EPHB1: variants seen among roughly 807,000 people sequenced by gnomAD.
The protein encoded by EPHB1 is EPH receptor B1.
In EPHB1, 30 loss-of-function variants were observed where a neutral mutation model predicts 94.4. That is an observed-to-expected ratio of 0.32 (90% CI 0.24 to 0.43). The LOEUF is 0.43. EPHB1 is among the 20% of genes least tolerant of loss of function. The pLI, the probability that EPHB1 is intolerant of heterozygous loss-of-function variation, is 1.00. For missense variants in EPHB1, 1,055 were observed against 1,308.3 expected, an observed-to-expected ratio of 0.81 and a Z score of 2.99; for synonymous variants, 522 against 489.1, an observed-to-expected ratio of 1.07 and a Z score of -0.89.
intron 1 of EPHB1, among the ~76,000 whole-genome samples, chr3:134,908,576 G>A (rs1353899845): frequency 6.6e-6 from 1 of 152,238 alleles, no homozygotes; most frequent in Non-Finnish European, 1.5e-5. Context: ...CCAGCGTGGT[G>A]AGGACAGGGG....
intron 3 of EPHB1, among the ~76,000 whole-genome samples, chr3:135,092,262 C>T (rs1938581991): frequency 6.6e-6 from 1 of 152,054 alleles, no homozygotes; most frequent in African/African-American, 2.4e-5. Flanking sequence ...GCCTAGCACC[C>T]AAGAAGGATA....
Position 135,249,422 on chromosome 3 carries a change from T to G in EPHB1, c.2777T>G (p.Val926Gly). The change falls in exon 15 of 16, where the codon GTC becomes GGC. Residue 926 changes from valine to glycine, a missense_variant. Physicochemically the swap from Val to Gly is moderately radical, Grantham distance 109 (BLOSUM62 -3). Transcript: ENST00000398015. ...GACTGGCTCAGCGCCATCAAAATGGTCCAGTACAGGGACAGCTTCCTCACT... is the reference window on the plus strand; with the variant it reads ...GACTGGCTCAGCGCCATCAAAATGGGCCAGTACAGGGACAGCTTCCTCACT... ...VDDWLSAIKM[V>G]QYRDSFLTAG... 6.2e-7 allele frequency: 1 copy of G among 1,614,044 alleles called. No individual in the cohort carries two copies. Among genetic ancestry groups the G allele is most frequent in the South Asian group, 1.1e-5 (1 of 91,084 alleles).
At chr3:134,807,798 A>G (rs770197663) in intron 1 of EPHB1, among the ~76,000 whole-genome samples, 10 of 152,100 alleles carry the variant, frequency 6.6e-5, no homozygotes, top group African/African-American at 9.7e-5. Flanking sequence ...AGGGACTGAC[A>G]ATAGTGGGAA....
rs10572168 is a variant in EPHB1 at position 135,237,277 on chromosome 3, TACACAC to T, written c.2347-3841_2347-3836del. On this transcript the variant is annotated intron_variant, in intron 12 of 15. Transcript: ENST00000398015. ...TATCTTCTCGTAGTTCACCAAATTC[TACACAC>T]ACACACACACACACACACACACACA... Among the ~76,000 whole-genome samples the T allele has an allele frequency of 6.4e-3, 941 of 147,440 alleles. 7 individuals carry two copies. The highest frequency in any genetic ancestry group is 0.018 in the African/African-American group (739 of 40,184).
intron 3 of EPHB1, among the ~76,000 whole-genome samples, chr3:135,012,755 T>A (rs1935665309): frequency 6.6e-6 from 1 of 152,026 alleles, no homozygotes; most frequent in African/African-American, 2.4e-5. Context: ...CCTGTGAGGA[T>A]CCCCCAAGCC....
chr3:135,251,893 G>A (rs1933118152), intron 15 of EPHB1, among the ~76,000 whole-genome samples: 1 of 152,208 alleles, frequency 6.6e-6, no homozygotes, highest in Admixed American at 6.5e-5. Flanking sequence ...AGTTCTGCCA[G>A]CATCCCTGCA....
intron 1 of EPHB1, among the ~76,000 whole-genome samples, chr3:134,869,284 G>A (rs2037446809): frequency 6.6e-6 from 1 of 152,202 alleles, no homozygotes. Flanking sequence ...TACACTGGGA[G>A]GATTAAACAG....
intron 4 of EPHB1, 146 bp downstream of exon 4, chr3:135,106,749 C>CGAGCATAGGAGTTG: frequency 6.8e-6 from 7 of 1,034,118 alleles, no homozygotes; most frequent in Non-Finnish European, 9.8e-6. Flanking sequence ...CATACAACTC[C>CGAGCATAGGAGTTG]TATGCTCGGA....
rs548737232 is a variant in EPHB1 at position 134,853,775 on chromosome 3, T to C, written c.58+58086T>C. On this transcript the variant is annotated intron_variant, in intron 1 of 15. Transcript: ENST00000398015. ...GTATGGATGGAGAAAAGAGAAGGCTTTGGGGAGGAAGAGAAGGCTTTGGTC... is the reference window on the plus strand; with the variant it reads ...GTATGGATGGAGAAAAGAGAAGGCTCTGGGGAGGAAGAGAAGGCTTTGGTC... Among the ~76,000 whole-genome samples the C allele has an allele frequency of 6.2e-4, 95 of 152,130 alleles. 3 individuals are homozygous for C. In the South Asian group the frequency reaches 0.018, roughly 30 times the overall value.
At chr3:134,994,881 G>A (rs1934937330) in intron 3 of EPHB1, among the ~76,000 whole-genome samples, 1 of 152,096 alleles carries the variant, frequency 6.6e-6, no homozygotes, top group Non-Finnish European at 1.5e-5. Flanking sequence ...TCCAGTTTAT[G>A]CTAATGGTAA....
chr3:134,869,599 C>T (rs2037456274), intron 1 of EPHB1, among the ~76,000 whole-genome samples: 1 of 152,166 alleles, frequency 6.6e-6, no homozygotes, highest in Admixed American at 6.5e-5. Context: ...TGAAACACAC[C>T]CTCTGCAATT....
At position 134,906,028 on chromosome 3, in the gene EPHB1, T is replaced by C. The variant is rs139543205; in HGVS notation, c.59-19788T>C. ...GACTCTTCCGAGAGCCCAGGGCCCA[T>C]GGCCCTTCTGAGCGCTCCCATGGTG... is the stretch of plus-strand genomic sequence containing the variant. On this transcript the variant is annotated intron_variant, in intron 1 of 15. Coordinates refer to ENST00000398015, the MANE Select transcript of EPHB1 (RefSeq NM_004441.5). Among the ~76,000 whole-genome samples the C allele has an allele frequency of 1.8e-4, 27 of 152,292 alleles. No homozygotes were observed. The East Asian group carries it at 5.2e-3, about 29-fold the overall frequency.
intron 3 of EPHB1, among the ~76,000 whole-genome samples, chr3:135,075,977 G>C (rs1004912879): frequency 6.6e-6 from 1 of 152,088 alleles, no homozygotes; most frequent in East Asian, 1.9e-4. Context: ...ATGGCTTCCT[G>C]GTGTTTATTT....
chr3:134,993,230 C>T (rs1934876803), intron 3 of EPHB1, among the ~76,000 whole-genome samples: 1 of 152,228 alleles, frequency 6.6e-6, no homozygotes, highest in Non-Finnish European at 1.5e-5. Context: ...GCCTGGGAAG[C>T]AATCCAGCCT....
At chr3:134,979,259 A>G (rs1050086997) in intron 3 of EPHB1, among the ~76,000 whole-genome samples, 7 of 152,210 alleles carry the variant, frequency 4.6e-5, no homozygotes, top group Non-Finnish European at 8.8e-5. Context: ...AAGCTATTGT[A>G]TAATTCTTAA....
intron 1 of EPHB1, among the ~76,000 whole-genome samples, chr3:134,913,078 T>C (rs2107695550): frequency 6.6e-6 from 1 of 152,352 alleles, no homozygotes; most frequent in Middle Eastern, 3.4e-3. Flanking sequence ...TTTGTCTCAC[T>C]GGCTCAGGAC....
intron 1 of EPHB1, among the ~76,000 whole-genome samples, chr3:134,878,589 G>C (rs1455141194): frequency 6.6e-6 from 1 of 152,176 alleles, no homozygotes; most frequent in East Asian, 1.9e-4. Flanking sequence ...GGGAGCTGAT[G>C]GAAAGGGAAG....
chr3:135,171,924 A>G (rs2107701754), intron 9 of EPHB1, among the ~76,000 whole-genome samples: 1 of 152,354 alleles, frequency 6.6e-6, no homozygotes, highest in Non-Finnish European at 1.5e-5. Flanking sequence ...TTGCAAAACA[A>G]GGTTTAAAAC....
In EPHB1 at chr3:134,960,357, T is replaced by C. The variant is rs75297007; in HGVS notation, c.805+8305T>C. ...AGGCATGTTGAGAGAGGTGCAACCT[T>C]GCCTTTCCCTACAGGCTGTAAATGT... On this transcript the variant is annotated intron_variant, in intron 3 of 15. Coordinates refer to ENST00000398015, the MANE Select transcript of EPHB1 (RefSeq NM_004441.5). 7.1e-3 allele frequency among the ~76,000 whole-genome samples: 1,074 copies of C among 152,038 alleles called. 6 individuals are homozygous for C. Among genetic ancestry groups the C allele is most frequent in the Non-Finnish European group, 0.011 (771 of 67,952 alleles).
Sources: gnomAD v4.1 joint callset for allele counts (sites outside exome capture counted in the v4.1 genomes callset) on GRCh38, gnomAD v4.1.1 for gene constraint, MANE v1.5 for transcripts, NCBI Gene and HGNC (gene_info 2026-07-23, HGNC 2026-07-21) for gene names.